Variants in PPP1CB observed in about 807,000 individuals in gnomAD.
PPP1CB encodes serine/threonine-protein phosphatase PP1-beta catalytic subunit.
Under a neutral mutation model 43.7 loss-of-function variants are expected in PPP1CB, and 2 were observed. The ratio of observed to expected loss-of-function variants is 0.05; its 90% CI spans 0.02 to 0.14. The LOEUF is 0.14. Among genes scored for constraint, PPP1CB ranks in the 10% least tolerant of loss-of-function variants. The probability of loss-of-function intolerance (pLI) is 1.00; values close to 1 mark genes in which losing one functional copy is unlikely to be tolerated. For missense variants in PPP1CB, 84 were observed against 398.0 expected, an observed-to-expected ratio of 0.21 and a Z score of 6.71; for synonymous variants, 136 against 135.6, an observed-to-expected ratio of 1.00 and a Z score of -0.02.
chr2:28,753,273 A>C (rs1666381878), intron 1 of PPP1CB, among the ~76,000 whole-genome samples: 1 of 152,204 alleles, frequency 6.6e-6, no homozygotes, highest in African/African-American at 2.4e-5. Context: ...AATTACCTTA[A>C]GATAATTGCT....
At chr2:28,766,745 C>T (rs1666784690) in intron 1 of PPP1CB, among the ~76,000 whole-genome samples, 1 of 152,170 alleles carries the variant, frequency 6.6e-6, no homozygotes, top group African/African-American at 2.4e-5. Flanking sequence ...GTGTTCTCAA[C>T]TCTTCAAGCA....
chr2:28,780,323 T>C (rs1424739513), intron 3 of PPP1CB, among the ~76,000 whole-genome samples: 1 of 152,072 alleles, frequency 6.6e-6, no homozygotes, highest in Non-Finnish European at 1.5e-5. Context: ...ACTCCCAACC[T>C]CAGGTGATCC....
intron 1 of PPP1CB, among the ~76,000 whole-genome samples, chr2:28,763,895 G>A (rs568163966): frequency 1.9e-4 from 29 of 149,192 alleles, no homozygotes; most frequent in Non-Finnish European, 2.8e-4. Flanking sequence ...TAGTAGAGAC[G>A]GGGTTTCAGC....
intron 2 of PPP1CB, 44 bp from the exon 3 acceptor site, chr2:28,778,765 T>C (rs200686071): frequency 9.3e-6 from 12 of 1,296,622 alleles, no homozygotes; most frequent in East Asian, 2.3e-5. Context: ...AAGCTGCTTA[T>C]AACAGTAACC....
intron 6 of PPP1CB, among the ~76,000 whole-genome samples, chr2:28,793,493 T>TAATTA (rs1667429692): frequency 6.6e-6 from 1 of 152,214 alleles, no homozygotes; most frequent in South Asian, 2.1e-4. Context: ...ACACGTAGAT[T>TAATTA]AATTAAAATA....
chr2:28,771,481 G>C (rs535816576), intron 1 of PPP1CB, among the ~76,000 whole-genome samples: 5 of 152,220 alleles, frequency 3.3e-5, no homozygotes, highest in Non-Finnish European at 5.9e-5. Context: ...TAGATACCGA[G>C]ACTTTATAAA....
At chr2:28,753,243 A>G (rs1396245194) in intron 1 of PPP1CB, among the ~76,000 whole-genome samples, 4 of 152,240 alleles carry the variant, frequency 2.6e-5, no homozygotes, top group East Asian at 3.8e-4. Context: ...CAGCGATTGC[A>G]TATGTACTGT....
intron 1 of PPP1CB, among the ~76,000 whole-genome samples, chr2:28,753,032 A>AG (rs1219455582): frequency 6.6e-6 from 1 of 152,150 alleles, no homozygotes; most frequent in Non-Finnish European, 1.5e-5. Flanking sequence ...TGGGAAGGCA[A>AG]GGGGGGAAAA....
At chr2:28,775,159 A>G (rs1460140846) in intron 1 of PPP1CB, among the ~76,000 whole-genome samples, 1 of 152,090 alleles carries the variant, frequency 6.6e-6, no homozygotes, top group Non-Finnish European at 1.5e-5. Flanking sequence ...GCTGGAGTGC[A>G]GTGGCACGAT....
chr2:28,752,051 G>C lies in PPP1CB; in HGVS notation c.-74G>C. The C allele has an allele frequency of 7.0e-7, 1 of 1,434,708 alleles. No individual in the cohort carries two copies. The highest frequency in any genetic ancestry group is 1.4e-5 in the African/African-American group (1 of 70,354). The allele number at this position is 1,434,708 out of a possible 1,614,324, so 88.9% of individuals were successfully genotyped here. ...CGTGACTTGTAGGTGAGAGAACGCCGAGCCGTCGCCGCAGCCTCCGCCGCC... is the reference window on the plus strand; with the variant it reads ...CGTGACTTGTAGGTGAGAGAACGCCCAGCCGTCGCCGCAGCCTCCGCCGCC... On this transcript the variant is annotated 5_prime_UTR_variant, in exon 1 of 8. Coordinates refer to ENST00000395366, the MANE Select transcript of PPP1CB (RefSeq NM_002709.3).
chr2:28,782,525 C>A (rs2148052437), intron 4 of PPP1CB: 1 of 152,910 alleles, frequency 6.5e-6, no homozygotes, highest in Middle Eastern at 3.4e-3. Context: ...GGAGGAAAGA[C>A]TGGGTACATG....
At position 28,785,065 on chromosome 2, in the gene PPP1CB, C is replaced by CTTTT. The variant is rs769650329; in HGVS notation, c.592+1112_592+1115dup. On this transcript the variant is annotated intron_variant, in intron 5 of 7. Transcript: ENST00000395366. ...ATGTTGTAATAAATTGTGTTAGGAG[C>CTTTT]TTTTTTTTTTTTTTTTTTTTTTTTT... 3.7e-3 allele frequency among the ~76,000 whole-genome samples: 202 copies of CTTTT among 54,994 alleles called. 51 individuals are homozygous for CTTTT. The highest frequency in any genetic ancestry group is 4.8e-3 in the Non-Finnish European group (139 of 28,690). The allele number at this position is 54,994 out of a possible 152,430, so 36.1% of individuals were successfully genotyped here.
chr2:28,752,878 T>A (rs781239198), intron 1 of PPP1CB, among the ~76,000 whole-genome samples: 1 of 152,252 alleles, frequency 6.6e-6, no homozygotes, highest in Non-Finnish European at 1.5e-5. Context: ...CTTTTGCATT[T>A]GATTTGAGCA....
intron 5 of PPP1CB, among the ~76,000 whole-genome samples, chr2:28,787,424 A>C (rs911491129): frequency 6.6e-6 from 1 of 152,236 alleles, no homozygotes; most frequent in African/African-American, 2.4e-5. Flanking sequence ...GCACCACTGC[A>C]TCCCAGCCTG....
At chr2:28,759,520 C>CAAAAA (rs559532367) in intron 1 of PPP1CB, among the ~76,000 whole-genome samples, 2 of 100,822 alleles carry the variant, frequency 2.0e-5, no homozygotes, top group East Asian at 4.8e-4. Context: ...ACTGCATCTC[C>CAAAAA]AAAAAAAAAA....
chr2:28,759,571 A>G (rs1377507650), intron 1 of PPP1CB, among the ~76,000 whole-genome samples: 1 of 151,210 alleles, frequency 6.6e-6, no homozygotes, highest in Non-Finnish European at 1.5e-5. Context: ...TATAGAGTAC[A>G]TAATACTTGA....
chr2:28,786,684 A>G (rs962881614), intron 5 of PPP1CB, among the ~76,000 whole-genome samples: 1 of 143,820 alleles, frequency 7.0e-6, no homozygotes, highest in Non-Finnish European at 1.5e-5. Context: ...CTGAGGCAGG[A>G]GAATGGCATG....
intron 1 of PPP1CB, among the ~76,000 whole-genome samples, chr2:28,752,537 A>T (rs1399808432): frequency 6.6e-6 from 1 of 152,132 alleles, no homozygotes; most frequent in African/African-American, 2.4e-5. Flanking sequence ...TGGGGAGAGG[A>T]TGCCTGCCAC....
rs1667439959 is a variant in PPP1CB at position 28,793,797 on chromosome 2, A to G, written c.745-66A>G. 19 of 1,575,914 alleles carry G rather than the reference A, an allele frequency of 1.2e-5. No homozygotes were observed. In the South Asian group the frequency reaches 2.1e-4, roughly 17 times the overall value. On this transcript the variant is annotated intron_variant, in intron 6 of 7. Transcript: ENST00000395366. Reference sequence around the variant, plus strand: ...CACAGTCTTTGCCACCTTAACCTTAATTAGTATAGATGGTTCAGAATTACC... The same window carrying G: ...CACAGTCTTTGCCACCTTAACCTTAGTTAGTATAGATGGTTCAGAATTACC...
Sources: gnomAD v4.1 joint callset for allele counts (sites outside exome capture counted in the v4.1 genomes callset) on GRCh38, gnomAD v4.1.1 for gene constraint, MANE v1.5 for transcripts, NCBI Gene and HGNC (gene_info 2026-07-23, HGNC 2026-07-21) for gene names.